PRKD1: variants seen among roughly 807,000 people sequenced by gnomAD.
PRKD1 encodes serine/threonine-protein kinase D1.
A neutral mutation model predicts 95.9 loss-of-function variants in PRKD1; 63 were observed. That is an observed-to-expected ratio of 0.66 (90% confidence interval 0.54 to 0.81). PRKD1 has a LOEUF of 0.81. Ranked by LOEUF, PRKD1 falls within the 30% of genes least tolerant of loss-of-function variation. The pLI is 0.00. For missense variants in PRKD1, 1,048 were observed against 1,165.3 expected (o/e 0.90, Z 1.47); for synonymous variants, 425 against 423.1 (o/e 1.00, Z -0.05).
At chr14:29,578,474 G>C in intron 16 of PRKD1, 114 bp from the exon 17 acceptor site, 1 of 447,820 alleles carries the variant, frequency 2.2e-6, no homozygotes, top group Non-Finnish European at 3.1e-6. Context: ...TAGTGACAAG[G>C]CACTAGAACC....
intron 1 of PRKD1, among the ~76,000 whole-genome samples, chr14:29,884,549 A>G (rs1893628797): frequency 6.6e-6 from 1 of 152,246 alleles, no homozygotes; most frequent in Non-Finnish European, 1.5e-5. Context: ...AACTTTACAT[A>G]TAAAAATGAT....
chr14:29,723,245 C>T (rs997923957), intron 2 of PRKD1, among the ~76,000 whole-genome samples: 1 of 152,156 alleles, frequency 6.6e-6, no homozygotes, highest in Non-Finnish European at 1.5e-5. Context: ...AAATAAATCA[C>T]TTCACTGCAA....
chr14:29,592,222 G>A (rs1893154902), intron 16 of PRKD1, among the ~76,000 whole-genome samples: 1 of 152,022 alleles, frequency 6.6e-6, no homozygotes, highest in South Asian at 2.1e-4. Flanking sequence ...CAGCCATAAT[G>A]ATGAAATGAA....
chr14:29,706,978 A>G (rs1252615910), intron 2 of PRKD1, among the ~76,000 whole-genome samples: 1 of 152,164 alleles, frequency 6.6e-6, no homozygotes, highest in African/African-American at 2.4e-5. Flanking sequence ...TTGAAGGACT[A>G]GCAGGTGTAA....
At chr14:29,608,960 G>A (rs45458191) in intron 13 of PRKD1, among the ~76,000 whole-genome samples, 4,351 of 152,234 alleles carry the variant, frequency 0.029, 210 homozygotes, top group African/African-American at 0.1. Flanking sequence ...ATGTTAATAT[G>A]TACTGTCAGA....
At chr14:29,689,285 A>C (rs1310429712) in intron 2 of PRKD1, among the ~76,000 whole-genome samples, 2 of 152,040 alleles carry the variant, frequency 1.3e-5, no homozygotes, top group African/African-American at 4.8e-5. Flanking sequence ...AAAACATTAC[A>C]AAGTGGGAAA....
intron 2 of PRKD1, among the ~76,000 whole-genome samples, chr14:29,695,615 G>C (rs1884473236): frequency 6.6e-6 from 1 of 152,246 alleles, no homozygotes; most frequent in African/African-American, 2.4e-5. Flanking sequence ...AGGTCTGGAA[G>C]AAACTATGAG....
intron 1 of PRKD1, among the ~76,000 whole-genome samples, chr14:29,762,794 A>C (rs573334789): frequency 1.1e-3 from 167 of 152,278 alleles, no homozygotes; most frequent in African/African-American, 3.8e-3. Flanking sequence ...CCCAGGCTGG[A>C]GTGCAGAGGC....
intron 1 of PRKD1, among the ~76,000 whole-genome samples, chr14:29,881,768 TCTC>T (rs1893521500): frequency 6.6e-6 from 1 of 152,220 alleles, no homozygotes; most frequent in African/African-American, 2.4e-5. Context: ...TCCCAAAACT[TCTC>T]CTTTTTTTGT....
At chr14:29,735,915 A>G (rs938804867) in intron 1 of PRKD1, among the ~76,000 whole-genome samples, 1 of 152,238 alleles carries the variant, frequency 6.6e-6, no homozygotes, top group Non-Finnish European at 1.5e-5. Flanking sequence ...CATTAAAAAA[A>G]TTAGGTAGAA....
intron 1 of PRKD1, among the ~76,000 whole-genome samples, chr14:29,790,503 T>A (rs1347127507): frequency 6.6e-6 from 1 of 152,202 alleles, no homozygotes; most frequent in African/African-American, 2.4e-5. Context: ...TAACAATCCC[T>A]GGAATTAGCC....
chr14:29,810,864 T>C (rs1350642219), intron 1 of PRKD1, among the ~76,000 whole-genome samples: 2 of 152,220 alleles, frequency 1.3e-5, no homozygotes, highest in African/African-American at 4.8e-5. Flanking sequence ...CAGTTTGCCA[T>C]TTCCTTGAGG....
chr14:29,917,902 C>T (rs1236782092), intron 1 of PRKD1, among the ~76,000 whole-genome samples: 4 of 151,918 alleles, frequency 2.6e-5, no homozygotes, highest in African/African-American at 7.3e-5. Context: ...AATCTACATA[C>T]CTGTAGATAA....
chr14:29,895,460 C>G (rs1894090552), intron 1 of PRKD1, among the ~76,000 whole-genome samples: 1 of 152,098 alleles, frequency 6.6e-6, no homozygotes. Flanking sequence ...CTCCCTGTTC[C>G]CACTCTCACC....
chr14:29,819,949 A>G (rs1890845576), intron 1 of PRKD1, among the ~76,000 whole-genome samples: 1 of 152,184 alleles, frequency 6.6e-6, no homozygotes, highest in African/African-American at 2.4e-5. Flanking sequence ...TTTGCCCTCA[A>G]GGTATTGATA....
chr14:29,887,525 A>G (rs758078332), intron 1 of PRKD1, among the ~76,000 whole-genome samples: 1 of 152,224 alleles, frequency 6.6e-6, no homozygotes, highest in Non-Finnish European at 1.5e-5. Flanking sequence ...ACTGGGCTGT[A>G]TGACAGATAC....
At chr14:29,640,403 A>C (rs949188785) in intron 4 of PRKD1, among the ~76,000 whole-genome samples, 28 of 152,212 alleles carry the variant, frequency 1.8e-4, no homozygotes, top group Non-Finnish European at 3.1e-4. Flanking sequence ...TATTATTTCC[A>C]GATTCACTAG....
chr14:29,918,876 G>A (rs182062574), intron 1 of PRKD1, among the ~76,000 whole-genome samples: 2 of 152,350 alleles, frequency 1.3e-5, no homozygotes, highest in East Asian at 3.8e-4. Context: ...AACACTGAGT[G>A]TAGGAAAAAA....
At chr14:29,704,365 G>A (rs1422135377) in intron 2 of PRKD1, among the ~76,000 whole-genome samples, 2 of 152,172 alleles carry the variant, frequency 1.3e-5, no homozygotes, top group African/African-American at 4.8e-5. Flanking sequence ...ACCTGGCTAT[G>A]TGGATAACAG....
Sources: gnomAD v4.1 joint callset for allele counts (sites outside exome capture counted in the v4.1 genomes callset) on GRCh38, gnomAD v4.1.1 for gene constraint, MANE v1.5 for transcripts, NCBI Gene and HGNC (gene_info 2026-07-23, HGNC 2026-07-21) for gene names.